The following LRMDA variants were observed in gnomAD, a reference collection of about 807,000 sequenced individuals.
The protein encoded by LRMDA is leucine-rich melanocyte differentiation-associated protein.
A neutral mutation model predicts 29.8 loss-of-function variants in LRMDA; 18 were observed. The ratio of observed to expected loss-of-function variants is 0.60; its 90% CI spans 0.42 to 0.90. The LOEUF (loss-of-function observed/expected upper bound fraction) is 0.90. LRMDA is among the 40% of genes least tolerant of loss of function. The pLI, the probability that LRMDA is intolerant of heterozygous loss-of-function variation, is 0.00. For missense variants in LRMDA, 273 were observed against 273.9 expected (o/e 1.00, Z 0.02); for synonymous variants, 125 against 109.4 (o/e 1.14, Z -0.89).
intron 2 of LRMDA, among the ~76,000 whole-genome samples, chr10:76,027,207 G>A (rs923313669): frequency 2.0e-5 from 3 of 152,152 alleles, no homozygotes; most frequent in Non-Finnish European, 2.9e-5. Flanking sequence ...AAAGCTCCAG[G>A]CACAGGCACT....
chr10:75,789,045 G>A (rs1843522344), intron 2 of LRMDA, among the ~76,000 whole-genome samples: 1 of 152,232 alleles, frequency 6.6e-6, no homozygotes, highest in African/African-American at 2.4e-5. Flanking sequence ...CTCACCAGAT[G>A]TCTGGTCTGT....
At chr10:76,243,370 A>T (rs1235122419) in intron 5 of LRMDA, among the ~76,000 whole-genome samples, 1 of 151,878 alleles carries the variant, frequency 6.6e-6, no homozygotes, top group Non-Finnish European at 1.5e-5. Context: ...CTATTACATT[A>T]TGTCTGAATC....
chr10:75,998,197 C>T (rs550605126), intron 2 of LRMDA, among the ~76,000 whole-genome samples: 4 of 152,288 alleles, frequency 2.6e-5, no homozygotes, highest in African/African-American at 9.6e-5. Flanking sequence ...CATGACAAAC[C>T]TCTAGTCTGC....
chr10:76,479,547 C>G (rs1202187228), intron 6 of LRMDA, among the ~76,000 whole-genome samples: 1 of 151,854 alleles, frequency 6.6e-6, no homozygotes. Flanking sequence ...TAATGTCCTG[C>G]AGAGCACAGG....
chr10:75,719,898 T>G (rs891226799), intron 2 of LRMDA, among the ~76,000 whole-genome samples: 6 of 152,206 alleles, frequency 3.9e-5, no homozygotes, highest in African/African-American at 1.4e-4. Flanking sequence ...TTGCAGGGGA[T>G]GTTCCCTGGA....
chr10:75,645,666 C>T (rs1349117608), intron 2 of LRMDA, among the ~76,000 whole-genome samples: 3 of 151,952 alleles, frequency 2.0e-5, no homozygotes, highest in South Asian at 2.1e-4. Context: ...TGGACGCAGG[C>T]GGGAAAGACC....
intron 2 of LRMDA, among the ~76,000 whole-genome samples, chr10:75,799,420 TACTTTC>T (rs1452439475): frequency 6.6e-6 from 1 of 152,238 alleles, no homozygotes. Flanking sequence ...TTTATCCTAT[TACTTTC>T]AACCTAATTT....
chr10:75,607,478 A>G (rs1479501434), intron 2 of LRMDA, among the ~76,000 whole-genome samples: 2 of 152,108 alleles, frequency 1.3e-5, no homozygotes, highest in African/African-American at 4.8e-5. Context: ...ATTGAACTAT[A>G]TTTTTCTATT....
intron 6 of LRMDA, among the ~76,000 whole-genome samples, chr10:76,516,678 T>C (rs936610010): frequency 6.6e-6 from 1 of 152,202 alleles, no homozygotes; most frequent in Non-Finnish European, 1.5e-5. Context: ...GAACTCTTCA[T>C]TTTTTATGGC....
At chr10:75,757,886 A>G (rs922334910) in intron 2 of LRMDA, among the ~76,000 whole-genome samples, 3 of 143,976 alleles carry the variant, frequency 2.1e-5, no homozygotes, top group South Asian at 2.2e-4. Flanking sequence ...TGCAACCTCC[A>G]CCTCCTGGGT....
intron 2 of LRMDA, among the ~76,000 whole-genome samples, chr10:75,468,862 G>A (rs975430147): frequency 7.2e-5 from 11 of 152,092 alleles, no homozygotes; most frequent in African/African-American, 2.7e-4. Context: ...TGTCTTGGAG[G>A]CATGGATTGT....
intron 6 of LRMDA, among the ~76,000 whole-genome samples, chr10:76,484,779 C>T (rs980152461): frequency 6.6e-6 from 1 of 151,842 alleles, no homozygotes; most frequent in Admixed American, 6.6e-5. Flanking sequence ...ATTTATTTCT[C>T]CTTGCAGTCC....
intron 6 of LRMDA, among the ~76,000 whole-genome samples, chr10:76,526,362 G>C (rs114531163): frequency 0.017 from 2,575 of 152,200 alleles, 38 homozygotes; most frequent in African/African-American, 0.043. Context: ...GTGCATTTTA[G>C]CCTCATGGTC....
chr10:75,504,542 C>T (rs12251643), intron 2 of LRMDA, among the ~76,000 whole-genome samples: 3,857 of 152,226 alleles, frequency 0.025, 165 homozygotes, highest in African/African-American at 0.083. Flanking sequence ...AAGACAGCCT[C>T]ATAGGATAAA....
chr10:75,963,322 T>A (rs1171118751), intron 2 of LRMDA, among the ~76,000 whole-genome samples: 1 of 152,228 alleles, frequency 6.6e-6, no homozygotes, highest in East Asian at 1.9e-4. Flanking sequence ...CCATTTTACC[T>A]GTATGAATGT....
At chr10:76,510,296 C>G (rs919553941) in intron 6 of LRMDA, among the ~76,000 whole-genome samples, 42 of 152,148 alleles carry the variant, frequency 2.8e-4, no homozygotes, top group Admixed American at 1.7e-3. Flanking sequence ...TTCTCGAACT[C>G]CTGACCTCAG....
intron 2 of LRMDA, among the ~76,000 whole-genome samples, chr10:76,003,820 T>C (rs908548933): frequency 6.6e-6 from 1 of 152,166 alleles, no homozygotes; most frequent in Admixed American, 6.5e-5. Flanking sequence ...ATCTGAGCAA[T>C]GTGGCTTAGG....
intron 2 of LRMDA, among the ~76,000 whole-genome samples, chr10:75,569,409 G>C (rs534373790): frequency 6.6e-6 from 1 of 152,180 alleles, no homozygotes; most frequent in South Asian, 2.1e-4. Flanking sequence ...AAGTTGTAGT[G>C]GCTTTTACCA....
intron 5 of LRMDA, among the ~76,000 whole-genome samples, chr10:76,251,345 C>T (rs541679744): frequency 2.7e-5 from 4 of 148,080 alleles, no homozygotes; most frequent in Non-Finnish European, 5.9e-5. Context: ...CTCCGCTTCC[C>T]GGGTTCACGC....
Sources: allele counts gnomAD v4.1 joint callset (sites outside exome capture counted in the v4.1 genomes callset), GRCh38; gene constraint gnomAD v4.1.1; transcripts MANE v1.5; gene names NCBI Gene and HGNC (gene_info 2026-07-23, HGNC 2026-07-21).